The following ROR2 variants were observed in gnomAD, a reference collection of about 807,000 sequenced individuals.
ROR2 encodes the protein tyrosine-protein kinase transmembrane receptor ROR2.
Under a neutral mutation model 74.9 loss-of-function variants are expected in ROR2, and 33 were observed. The observed-to-expected ratio is 0.44, with a 90% confidence interval of 0.33 to 0.59. ROR2 has a LOEUF of 0.59. Ranked by LOEUF, ROR2 falls within the 20% of genes least tolerant of loss-of-function variation. ROR2 has a pLI of 0.02. For synonymous variants in ROR2, 586 were observed against 558.7 expected, an observed-to-expected ratio of 1.05 and a Z score of -0.69; for missense variants, 1,216 against 1,313.8, an observed-to-expected ratio of 0.93 and a Z score of 1.15.
At chr9:91,867,193 C>G (rs1010294781) in intron 1 of ROR2, among the ~76,000 whole-genome samples, 1 of 152,188 alleles carries the variant, frequency 6.6e-6, no homozygotes, top group Admixed American at 6.5e-5. Flanking sequence ...AGAGAGCTTC[C>G]AGAGGAGGCT....
At chr9:91,900,678 G>A (rs1296804508) in intron 1 of ROR2, among the ~76,000 whole-genome samples, 1 of 152,170 alleles carries the variant, frequency 6.6e-6, no homozygotes, top group African/African-American at 2.4e-5. Flanking sequence ...GGGGCAGCTG[G>A]GCCGCCAAGG....
chr9:91,744,223 T>TTTTC, intron 4 of ROR2, among the ~76,000 whole-genome samples: 1 of 135,494 alleles, frequency 7.4e-6, no homozygotes, highest in East Asian at 2.2e-4. Context: ...CTTTTTTTTT[T>TTTTC]TTTTTTTTTT....
intron 4 of ROR2, among the ~76,000 whole-genome samples, chr9:91,743,509 T>G (rs752317098): frequency 6.6e-6 from 1 of 151,826 alleles, no homozygotes; most frequent in Non-Finnish European, 1.5e-5. Flanking sequence ...AGGTGGAAGT[T>G]GCCATGAGCC....
chr9:91,812,890 GCTCT>G (rs1246458414), intron 1 of ROR2, among the ~76,000 whole-genome samples: 1 of 152,094 alleles, frequency 6.6e-6, no homozygotes, highest in Non-Finnish European at 1.5e-5. Flanking sequence ...ATAGCATTAG[GCTCT>G]CTACCTGGAG....
At chr9:91,773,252 TATGGA>T (rs1826297820) in intron 2 of ROR2, among the ~76,000 whole-genome samples, 1 of 152,200 alleles carries the variant, frequency 6.6e-6, no homozygotes. Context: ...TATCAGAGTC[TATGGA>T]ATGACTCAAG....
chr9:91,936,491 G>C (rs188511342), intron 1 of ROR2, among the ~76,000 whole-genome samples: 1 of 152,302 alleles, frequency 6.6e-6, no homozygotes, highest in Admixed American at 6.5e-5. Flanking sequence ...CCACCGTAAA[G>C]ACCTCATTTT....
At chr9:91,867,100 G>A (rs1829656874) in intron 1 of ROR2, among the ~76,000 whole-genome samples, 1 of 152,184 alleles carries the variant, frequency 6.6e-6, no homozygotes, top group African/African-American at 2.4e-5. Context: ...AACGAATAGG[G>A]GAGCACTTCT....
chr9:91,889,642 T>A (rs1402178785), intron 1 of ROR2, among the ~76,000 whole-genome samples: 1 of 152,066 alleles, frequency 6.6e-6, no homozygotes, highest in East Asian at 1.9e-4. Flanking sequence ...TCATGACAAA[T>A]GCCAAAGCCA....
intron 1 of ROR2, among the ~76,000 whole-genome samples, chr9:91,804,945 C>T (rs141193710): frequency 2.6e-5 from 4 of 152,190 alleles, no homozygotes; most frequent in African/African-American, 9.7e-5. Context: ...AAGCTAAAAC[C>T]AAAATGCTTC....
At chr9:91,948,616 G>A in intron 1 of ROR2, 2 of 985,508 alleles carry the variant, frequency 2.0e-6, no homozygotes, top group Non-Finnish European at 1.2e-6. Context: ...CCTTGGGCCG[G>A]CTAGGGCGGC....
intron 1 of ROR2, among the ~76,000 whole-genome samples, chr9:91,794,169 A>C (rs1280624163): frequency 6.6e-6 from 1 of 152,278 alleles, no homozygotes; most frequent in Non-Finnish European, 1.5e-5. Context: ...ACAATTGTTA[A>C]ATGAAATAGA....
chr9:91,909,663 T>G (rs778966259), intron 1 of ROR2, among the ~76,000 whole-genome samples: 4 of 151,430 alleles, frequency 2.6e-5, no homozygotes, highest in African/African-American at 9.7e-5. Context: ...CAGGCTCCTA[T>G]GTTTAACTGT....
At chr9:91,922,089 C>A (rs893307543) in intron 1 of ROR2, among the ~76,000 whole-genome samples, 3 of 146,822 alleles carry the variant, frequency 2.0e-5, no homozygotes, top group African/African-American at 5.0e-5. Flanking sequence ...TACCAAAAAA[C>A]CAAACAACAG....
At chr9:91,880,527 G>A (rs775148739) in intron 1 of ROR2, among the ~76,000 whole-genome samples, 1 of 152,204 alleles carries the variant, frequency 6.6e-6, no homozygotes, top group Non-Finnish European at 1.5e-5. Context: ...TGATGAGGTT[G>A]ACGGTTTCCA....
chr9:91,904,938 T>A (rs577611494), intron 1 of ROR2, among the ~76,000 whole-genome samples: 1 of 149,866 alleles, frequency 6.7e-6, no homozygotes, highest in South Asian at 2.1e-4. Context: ...ACACAGCACA[T>A]ACACCACACA....
intron 1 of ROR2, among the ~76,000 whole-genome samples, chr9:91,799,663 G>A (rs1163574164): frequency 6.6e-6 from 1 of 152,168 alleles, no homozygotes; most frequent in Non-Finnish European, 1.5e-5. Context: ...ACCAAGTAGG[G>A]ACAAGGAAAG....
chr9:91,782,732 A>G (rs1826666845), intron 1 of ROR2, among the ~76,000 whole-genome samples: 1 of 152,220 alleles, frequency 6.6e-6, no homozygotes, highest in African/African-American at 2.4e-5. Flanking sequence ...CTCCACCTCC[A>G]TCAACCAGGA....
At chr9:91,769,092 T>C (rs1826148022) in intron 2 of ROR2, among the ~76,000 whole-genome samples, 1 of 152,138 alleles carries the variant, frequency 6.6e-6, no homozygotes, top group African/African-American at 2.4e-5. Flanking sequence ...TGGCAGGGGC[T>C]GAACTGGCTG....
chr9:91,892,266 G>T (rs1219405944), intron 1 of ROR2, among the ~76,000 whole-genome samples: 2 of 152,174 alleles, frequency 1.3e-5, no homozygotes. Context: ...CTTGGGTAGG[G>T]CCCTAGGTAA....
Sources: gnomAD v4.1 joint callset for allele counts (sites outside exome capture counted in the v4.1 genomes callset) on GRCh38, gnomAD v4.1.1 for gene constraint, MANE v1.5 for transcripts, NCBI Gene and HGNC (gene_info 2026-07-23, HGNC 2026-07-21) for gene names.